The following SPATA16 variants were observed in gnomAD, a reference collection of about 807,000 sequenced individuals.
The protein encoded by SPATA16 is spermatogenesis-associated protein 16.
SPATA16 carries 36 observed loss-of-function variants against 63.3 expected under a neutral mutation model. The observed-to-expected ratio is 0.57, with a 90% CI of 0.44 to 0.75. The LOEUF (loss-of-function observed/expected upper bound fraction) is 0.75. Among genes scored for constraint, SPATA16 ranks in the 30% least tolerant of loss-of-function variants. The probability of loss-of-function intolerance (pLI) is 0.00; values close to 1 mark genes in which losing one functional copy is unlikely to be tolerated. For missense variants in SPATA16, 646 were observed against 679.3 expected (o/e 0.95, Z 0.54); for synonymous variants, 203 against 216.7 (o/e 0.94, Z 0.56).
At chr3:172,916,629 ACAGAATTGT>A in intron 8 of SPATA16, 148 bp from the exon 9 acceptor site, 1 of 908,518 alleles carries the variant, frequency 1.1e-6, no homozygotes, top group Non-Finnish European at 1.7e-6. Flanking sequence ...CTACCATTTT[ACAGAATTGT>A]CTTATACCTC....
intron 6 of SPATA16, among the ~76,000 whole-genome samples, chr3:172,938,689 A>G (rs1733070466): frequency 6.6e-6 from 1 of 152,194 alleles, no homozygotes; most frequent in South Asian, 2.1e-4. Context: ...GTAAATAAAT[A>G]ACTTGATAAG....
chr3:172,981,134 T>G (rs1302619161), intron 4 of SPATA16, among the ~76,000 whole-genome samples: 1 of 152,182 alleles, frequency 6.6e-6, no homozygotes, highest in Admixed American at 6.5e-5. Context: ...ACTGTGCCAT[T>G]ATTTCTGGTT....
intron 4 of SPATA16, among the ~76,000 whole-genome samples, chr3:173,014,107 A>G (rs1735128905): frequency 6.6e-6 from 1 of 152,222 alleles, no homozygotes; most frequent in African/African-American, 2.4e-5. Flanking sequence ...AAAACAAACC[A>G]TTCCACCAAA....
chr3:173,127,263 T>C (rs1013038778), intron 1 of SPATA16, among the ~76,000 whole-genome samples: 1 of 152,196 alleles, frequency 6.6e-6, no homozygotes, highest in African/African-American at 2.4e-5. Context: ...GTAAGTTGTA[T>C]ACATCAAGCC....
chr3:172,984,544 C>T lies in SPATA16; in HGVS notation c.849-7492G>A, dbSNP rs532751470. ...GGTCACTGAAGAAGTTTTTCGGTCTCTGGACTTTTGTAACAAGCCTTCTTC... is the reference window on the plus strand; with the variant it reads ...GGTCACTGAAGAAGTTTTTCGGTCTTTGGACTTTTGTAACAAGCCTTCTTC... On this transcript the variant is annotated intron_variant, in intron 4 of 10. Coordinates refer to ENST00000351008, the MANE Select transcript of SPATA16 (RefSeq NM_031955.6). Among the ~76,000 whole-genome samples the T allele has an allele frequency of 4.6e-5, 7 of 152,246 alleles. No individual in the cohort carries two copies. The East Asian group carries it at 1.4e-3, about 29-fold the overall frequency.
At chr3:172,965,798 G>A (rs908873700) in intron 5 of SPATA16, among the ~76,000 whole-genome samples, 7 of 152,052 alleles carry the variant, frequency 4.6e-5, no homozygotes, top group Non-Finnish European at 8.8e-5. Flanking sequence ...GGATGGTCTC[G>A]ATCTCTTGAC....
At chr3:173,029,350 C>T (rs1454814780) in intron 3 of SPATA16, among the ~76,000 whole-genome samples, 1 of 151,682 alleles carries the variant, frequency 6.6e-6, no homozygotes, top group Non-Finnish European at 1.5e-5. Flanking sequence ...AGGTATGAGC[C>T]TCCAGGGTCA....
chr3:172,981,076 A>G (rs1424137391), intron 4 of SPATA16, among the ~76,000 whole-genome samples: 1 of 152,186 alleles, frequency 6.6e-6, no homozygotes, highest in Non-Finnish European at 1.5e-5. Flanking sequence ...CGCAAGTCAT[A>G]CAATAGCTCA....
chr3:172,963,292 A>G (rs1733832611), intron 5 of SPATA16, among the ~76,000 whole-genome samples: 1 of 152,142 alleles, frequency 6.6e-6, no homozygotes, highest in Non-Finnish European at 1.5e-5. Flanking sequence ...TAAATATTTC[A>G]TGCAGTTTAA....
At position 172,956,668 on chromosome 3, in the gene SPATA16, G is replaced by T; in HGVS notation, c.1081+9C>A. ...TATCAGCTGATAACTTGAAGATATT[G>T]AATCTTACCTGTGTACATATACTCT... On this transcript the variant is annotated intron_variant, in intron 6 of 10. Transcript: ENST00000351008. 6.2e-7 allele frequency: 1 copy of T among 1,608,930 alleles called. No individual in the cohort carries two copies. The highest frequency in any genetic ancestry group is 1.3e-5 in the African/African-American group (1 of 74,848).
chr3:173,006,223 C>T (rs1282074543), intron 4 of SPATA16, among the ~76,000 whole-genome samples: 8 of 152,100 alleles, frequency 5.3e-5, no homozygotes, highest in Non-Finnish European at 7.4e-5. Context: ...ATTTAGGGAA[C>T]AGGAAAGCCA....
intron 6 of SPATA16, among the ~76,000 whole-genome samples, chr3:172,941,954 A>G (rs1469323064): frequency 6.6e-6 from 1 of 151,626 alleles, no homozygotes; most frequent in Non-Finnish European, 1.5e-5. Context: ...TAAGATGTCT[A>G]TGTTTACAAT....
At chr3:173,022,120 T>C (rs1361767212) in intron 3 of SPATA16, among the ~76,000 whole-genome samples, 3 of 151,840 alleles carry the variant, frequency 2.0e-5, no homozygotes, top group Non-Finnish European at 4.4e-5. Context: ...TTTTTGTGAG[T>C]AGTGAGGGCT....
At chr3:173,047,754 T>A (rs920974898) in intron 3 of SPATA16, among the ~76,000 whole-genome samples, 36 of 152,078 alleles carry the variant, frequency 2.4e-4, no homozygotes, top group African/African-American at 5.5e-4. Context: ...GATTTTTTTT[T>A]AAAACTATGG....
intron 10 of SPATA16, among the ~76,000 whole-genome samples, chr3:172,908,301 A>C (rs1022348920): frequency 6.6e-6 from 1 of 152,086 alleles, no homozygotes; most frequent in African/African-American, 2.4e-5. Flanking sequence ...CCAACACATA[A>C]AAATTTACCT....
chr3:173,040,890 A>G (rs1310061686), intron 3 of SPATA16, among the ~76,000 whole-genome samples: 1 of 152,104 alleles, frequency 6.6e-6, no homozygotes, highest in Non-Finnish European at 1.5e-5. Context: ...CCTGCTTGAG[A>G]ACTATTTCTT....
intron 2 of SPATA16, among the ~76,000 whole-genome samples, chr3:173,069,205 G>C (rs943576138): frequency 6.6e-6 from 1 of 151,788 alleles, no homozygotes; most frequent in South Asian, 2.1e-4. Context: ...ATGAAAAGTG[G>C]CTTCTTAAAA....
chr3:173,056,838 G>A (rs988271912), intron 2 of SPATA16, among the ~76,000 whole-genome samples: 9 of 148,568 alleles, frequency 6.1e-5, no homozygotes, highest in Admixed American at 1.3e-4. Flanking sequence ...AAAAAATAAT[G>A]TTTTTTAAAT....
intron 4 of SPATA16, among the ~76,000 whole-genome samples, chr3:172,979,186 G>A (rs1734239656): frequency 6.6e-6 from 1 of 151,930 alleles, no homozygotes; most frequent in East Asian, 1.9e-4. Flanking sequence ...GCAGTGAGCC[G>A]AGATCGCGCC....
Sources: gnomAD v4.1 joint callset for allele counts (sites outside exome capture counted in the v4.1 genomes callset) on GRCh38, gnomAD v4.1.1 for gene constraint, MANE v1.5 for transcripts, NCBI Gene and HGNC (gene_info 2026-07-23, HGNC 2026-07-21) for gene names.